Variants in PHC2 observed in about 807,000 individuals in gnomAD.
The protein encoded by PHC2 is polyhomeotic homolog 2.
In PHC2, 29 loss-of-function variants were observed where a neutral mutation model predicts 87.4. The ratio of observed to expected loss-of-function variants is 0.33; its 90% confidence interval spans 0.25 to 0.45. The LOEUF (loss-of-function observed/expected upper bound fraction) is 0.45, where lower values mean the gene tolerates loss of function less well. Ranked by LOEUF, PHC2 falls within the 20% of genes least tolerant of loss-of-function variation. The pLI, the probability that PHC2 is intolerant of heterozygous loss-of-function variation, is 1.00. For missense variants in PHC2, 857 were observed against 1,136.7 expected (o/e 0.75, Z 3.54); for synonymous variants, 438 against 461.7 (o/e 0.95, Z 0.66).
chr1:33,348,488 T>C (rs2148257593), intron 9 of PHC2, among the ~76,000 whole-genome samples: 1 of 152,294 alleles, frequency 6.6e-6, no homozygotes, highest in African/African-American at 2.4e-5. Flanking sequence ...GCCAGGTCAG[T>C]AGGCTGTGGT....
chr1:33,414,793 A>C (rs142327683), intron 1 of PHC2, among the ~76,000 whole-genome samples: 1 of 152,340 alleles, frequency 6.6e-6, no homozygotes, highest in East Asian at 1.9e-4. Flanking sequence ...TCTACTTTTT[A>C]ACTATTCACA....
At chr1:33,386,076 C>T (rs975401063) in intron 1 of PHC2, among the ~76,000 whole-genome samples, 3 of 151,732 alleles carry the variant, frequency 2.0e-5, no homozygotes, top group Admixed American at 6.6e-5. Flanking sequence ...GGATTACAGG[C>T]GTGAGCCACT....
In PHC2 at chr1:33,393,169, C is replaced by G. The variant is rs939089789; in HGVS notation, c.-54-17576G>C. The stretch of plus-strand genomic sequence containing the variant: ...TTCCCTGGATCTTTGTTAGTTATCA[C>G]TGATAACTGGCGCCCAGAGCAACCT... On this transcript the variant is annotated intron_variant, in intron 1 of 14. Coordinates refer to ENST00000683057, the MANE Select transcript of PHC2 (RefSeq NM_001385109.1). 4.8e-4 allele frequency among the ~76,000 whole-genome samples: 73 copies of G among 152,184 alleles called. 4 individuals carry two copies. The highest frequency in any genetic ancestry group is 5.9e-5 in the Non-Finnish European group (4 of 68,032).
At position 33,334,118 on chromosome 1, in the gene PHC2, A is replaced by G; in HGVS notation, c.1733T>C (p.Val578Ala). Residue 578 changes from valine to alanine, a missense_variant, in exon 10 of 15, where the codon GTG (valine) becomes GCG (alanine). By Grantham distance (64) the Val-to-Ala change is moderately conservative. Transcript: ENST00000683057. The surrounding 1 kb of genome is among the most constrained non-coding windows in gnomAD (Gnocchi z 5.5). ...GAAAGGCTCCGCCCCCTCCTGGATC[A>G]CAAACCCTTCGATAACATGCGTCAG... ...QILTHVIEGFVIQEGAEPFPV... is the reference protein window; with the variant it reads ...QILTHVIEGFAIQEGAEPFPV... The G allele has an allele frequency of 6.2e-7, 1 of 1,612,962 alleles. No individual in the cohort carries two copies. Among genetic ancestry groups the G allele is most frequent in the Non-Finnish European group, 8.5e-7 (1 of 1,179,560 alleles).
intron 1 of PHC2, among the ~76,000 whole-genome samples, chr1:33,395,640 T>C (rs1240022777): frequency 6.6e-6 from 1 of 152,184 alleles, no homozygotes; most frequent in Non-Finnish European, 1.5e-5. Flanking sequence ...AAAATGTTAA[T>C]TGTAGAATCT....
intron 9 of PHC2, among the ~76,000 whole-genome samples, chr1:33,352,844 C>T (rs1646998827): frequency 6.6e-6 from 1 of 152,322 alleles, no homozygotes. Context: ...GCTGCCCTTT[C>T]AGAGCCGCGG....
chr1:33,363,432 C>A (rs925046541), intron 7 of PHC2, among the ~76,000 whole-genome samples: 1 of 152,170 alleles, frequency 6.6e-6, no homozygotes, highest in Admixed American at 6.5e-5. Flanking sequence ...AGTTTGGAGG[C>A]TGCTTTGGGA....
chr1:33,368,515 C>T lies in PHC2; in HGVS notation c.663+21G>A. ...CAGGGGTGCCCACCCCCCTGCCCTC[C>T]CACAAGCATGGAGTCCTCACCTGGG... On this transcript the variant is annotated intron_variant, in intron 6 of 14. Transcript: ENST00000683057. The surrounding 1 kb of genome is among the most constrained non-coding windows in gnomAD (Gnocchi z 6.6). 1 of 1,382,172 alleles carries T rather than the reference C, an allele frequency of 7.2e-7. No individual in the cohort carries two copies. Among genetic ancestry groups the T allele is most frequent in the Non-Finnish European group, 9.9e-7 (1 of 1,008,818 alleles). 85.6% of individuals were successfully genotyped at this position (1,382,172 alleles called of 1,614,324 possible).
chr1:33,369,364 G>T lies in PHC2; in HGVS notation c.577-742C>A, dbSNP rs1647682620. ...ATAGCGCAGCTGTGCTTTTTCCTCTGTGGGTGTATGCCCTGCTCTGGGGAG... is the reference window on the plus strand; with the variant it reads ...ATAGCGCAGCTGTGCTTTTTCCTCTTTGGGTGTATGCCCTGCTCTGGGGAG... On this transcript the variant is annotated intron_variant, in intron 5 of 14. Coordinates refer to ENST00000683057, the MANE Select transcript of PHC2 (RefSeq NM_001385109.1). The surrounding 1 kb of genome is among the most constrained non-coding windows in gnomAD (Gnocchi z 4.7). Among the ~76,000 whole-genome samples the T allele has an allele frequency of 6.6e-6, 1 of 152,206 alleles. No individual in the cohort carries two copies. Among genetic ancestry groups the T allele is most frequent in the South Asian group, 2.1e-4 (1 of 4,834 alleles).
chr1:33,419,764 C>T (rs1179066369), intron 1 of PHC2, among the ~76,000 whole-genome samples: 1 of 152,164 alleles, frequency 6.6e-6, no homozygotes, highest in Non-Finnish European at 1.5e-5. Context: ...CGCCCGCTAC[C>T]ACGCCCGGCT....
intron 1 of PHC2, among the ~76,000 whole-genome samples, chr1:33,405,456 G>A (rs560908531): frequency 2.0e-5 from 3 of 152,190 alleles, no homozygotes; most frequent in South Asian, 4.1e-4. Context: ...TTCCCAAAGC[G>A]CTGGGATTAC....
intron 1 of PHC2, among the ~76,000 whole-genome samples, chr1:33,384,415 G>A (rs1430628877): frequency 1.3e-5 from 2 of 152,194 alleles, no homozygotes; most frequent in East Asian, 3.8e-4. Context: ...GCAAAAAGGG[G>A]CTAGAATTTG....
intron 1 of PHC2, among the ~76,000 whole-genome samples, chr1:33,423,988 C>T (rs1343202125): frequency 1.4e-5 from 2 of 148,066 alleles, no homozygotes; most frequent in Non-Finnish European, 3.0e-5. Context: ...TCCTGCTATT[C>T]GGGAGGCTGA....
Position 33,375,349 on chromosome 1 carries a change from A to G in PHC2, c.174+17T>C. On this transcript the variant is annotated intron_variant, in intron 2 of 14. Transcript: ENST00000683057. ...GATGATTAAGGAGTATAATTCCCAG[A>G]TCAATTAGACTCTTACCTGCACGGT... 1 of 1,520,266 alleles carries G rather than the reference A, an allele frequency of 6.6e-7. No homozygotes were observed. Among genetic ancestry groups the G allele is most frequent in the Non-Finnish European group, 8.9e-7 (1 of 1,127,548 alleles). 94.2% of individuals were successfully genotyped at this position (1,520,266 alleles called of 1,614,324 possible).
intron 1 of PHC2, among the ~76,000 whole-genome samples, chr1:33,398,312 A>T (rs950797832): frequency 1.2e-4 from 18 of 152,238 alleles, no homozygotes; most frequent in African/African-American, 3.6e-4. Context: ...TCACAGCCAG[A>T]GGAAGGAGAG....
intron 1 of PHC2, among the ~76,000 whole-genome samples, chr1:33,427,441 T>C (rs1420761962): frequency 6.6e-6 from 1 of 152,194 alleles, no homozygotes; most frequent in Non-Finnish European, 1.5e-5. Flanking sequence ...CTGTGCTGCC[T>C]TCACTAATCA....
intron 1 of PHC2, among the ~76,000 whole-genome samples, chr1:33,424,124 A>G (rs1650573157): frequency 6.6e-6 from 1 of 152,048 alleles, no homozygotes. Flanking sequence ...AAAAAAACAA[A>G]AAACAAAAAA....
Position 33,368,263 on chromosome 1 carries a change from G to A in PHC2, c.663+273C>T, listed in dbSNP as rs1647602994. 2.0e-5 allele frequency among the ~76,000 whole-genome samples: 3 copies of A among 152,208 alleles called. No homozygotes were observed. The highest frequency in any genetic ancestry group is 2.9e-5 in the Non-Finnish European group (2 of 68,042). Reference sequence around the variant, plus strand: ...GCTGGGGCAGGTGTAAAGTATGGAGGGTAGCACAGCCCACCCCTCCCTGGC... The same window carrying A: ...GCTGGGGCAGGTGTAAAGTATGGAGAGTAGCACAGCCCACCCCTCCCTGGC... On this transcript the variant is annotated intron_variant, in intron 6 of 14. Coordinates refer to ENST00000683057, the MANE Select transcript of PHC2 (RefSeq NM_001385109.1). The surrounding 1 kb of genome is among the most constrained non-coding windows in gnomAD (Gnocchi z 6.6).
chr1:33,425,314 G>A (rs1030901141), intron 1 of PHC2, among the ~76,000 whole-genome samples: 7 of 152,108 alleles, frequency 4.6e-5, no homozygotes, highest in African/African-American at 1.4e-4. Flanking sequence ...CTTCAACAAC[G>A]ATATATGAGC....
Sources: gnomAD v4.1 joint callset for allele counts (sites outside exome capture counted in the v4.1 genomes callset) on GRCh38, gnomAD v4.1.1 for gene constraint, Gnocchi (gnomAD v3.1) non-coding constraint, MANE v1.5 for transcripts, NCBI Gene and HGNC (gene_info 2026-07-23, HGNC 2026-07-21) for gene names.